SLC38A6: variants seen among roughly 807,000 people sequenced by gnomAD.
The protein encoded by SLC38A6 is N system amino acid transporter NAT-1.
In SLC38A6, 73 loss-of-function variants were observed where a neutral mutation model predicts 65.0. That is an observed-to-expected ratio of 1.12 (90% CI 0.93 to 1.37). The LOEUF (loss-of-function observed/expected upper bound fraction) is 1.37. Among genes scored for constraint, SLC38A6 ranks in the 40% most tolerant of loss-of-function variants. The pLI is 0.00. For missense variants in SLC38A6, 561 were observed against 531.1 expected (o/e 1.06, Z -0.55); for synonymous variants, 183 against 178.8 (o/e 1.02, Z -0.19).
intron 5 of SLC38A6, among the ~76,000 whole-genome samples, chr14:61,022,329 G>C (rs1198396693): frequency 6.6e-6 from 1 of 151,928 alleles, no homozygotes; most frequent in Non-Finnish European, 1.5e-5. Flanking sequence ...TTAGGTTAAA[G>C]TCTAGGAACC....
chr14:61,015,871 T>G (rs1458608338), intron 3 of SLC38A6, 33 bp from the exon 4 acceptor site: 5 of 1,570,114 alleles, frequency 3.2e-6, no homozygotes, highest in Admixed American at 3.7e-5. Flanking sequence ...AATAGTTTTG[T>G]GTAAAAGTGA....
At chr14:60,993,166 T>C (rs543674252) in intron 3 of SLC38A6, among the ~76,000 whole-genome samples, 2 of 152,296 alleles carry the variant, frequency 1.3e-5, no homozygotes, top group South Asian at 4.1e-4. Context: ...TTTTTTAGCA[T>C]ACTGTCTTCA....
At chr14:61,082,276 C>T (rs1312142517) in intron 16 of SLC38A6, among the ~76,000 whole-genome samples, 1 of 152,218 alleles carries the variant, frequency 6.6e-6, no homozygotes, top group Non-Finnish European at 1.5e-5. Flanking sequence ...CTGCCTGTCA[C>T]AGCTCCAGTG....
intron 15 of SLC38A6, among the ~76,000 whole-genome samples, chr14:61,073,040 C>T (rs528271855): frequency 2.7e-4 from 41 of 152,236 alleles, no homozygotes; most frequent in Admixed American, 1.2e-3. Context: ...ACATCCTCTC[C>T]GGCATTTATT....
chr14:61,062,588 A>T (rs779360915), intron 15 of SLC38A6, among the ~76,000 whole-genome samples: 27 of 151,786 alleles, frequency 1.8e-4, no homozygotes, highest in Non-Finnish European at 3.2e-4. Context: ...CAGCATACTG[A>T]GTAGCTGGGA....
chr14:61,050,952 T>G (rs1287905009), intron 13 of SLC38A6, among the ~76,000 whole-genome samples: 3 of 152,134 alleles, frequency 2.0e-5, no homozygotes, highest in African/African-American at 7.2e-5. Context: ...TATTCTGTTT[T>G]CAAAAAAATG....
At chr14:60,987,549 A>G (rs191373546) in intron 3 of SLC38A6, 31 of 152,330 alleles carry the variant, frequency 2.0e-4, no homozygotes, top group African/African-American at 7.5e-4. Context: ...TCCTTCTTGG[A>G]ATTGTTCTGA....
chr14:61,047,926 G>A (rs1457088541), intron 12 of SLC38A6, among the ~76,000 whole-genome samples: 5 of 152,036 alleles, frequency 3.3e-5, no homozygotes, highest in Non-Finnish European at 7.4e-5. Flanking sequence ...TGGGTAGGCA[G>A]ATAGATGGGT....
At chr14:60,995,025 A>T (rs2038185174) in intron 3 of SLC38A6, among the ~76,000 whole-genome samples, 1 of 144,492 alleles carries the variant, frequency 6.9e-6, no homozygotes. Context: ...AAAAAAAAAA[A>T]GAAGAAGAAA....
Position 61,061,112 on chromosome 14 carries a change from G to A in SLC38A6, c.1290+8977G>A, listed in dbSNP as rs564348754. ...TCGCTCACGCTGGGAGCTGTAGACC[G>A]GAGCTGTTCCTATTCGGCCATCTTG... On this transcript the variant is annotated intron_variant, in intron 15 of 16. Transcript: ENST00000354886. Among the ~76,000 whole-genome samples the A allele has an allele frequency of 7.5e-4, 114 of 152,186 alleles. 1 individual carries two copies. In the South Asian group the frequency reaches 0.011, roughly 15 times the overall value.
intron 4 of SLC38A6, among the ~76,000 whole-genome samples, chr14:61,018,528 A>G (rs1337139338): frequency 2.6e-5 from 4 of 152,200 alleles, no homozygotes; most frequent in African/African-American, 9.7e-5. Flanking sequence ...GGCATGAAAG[A>G]TTATCTGTTC....
At chr14:61,016,895 C>T (rs1422929874) in intron 4 of SLC38A6, among the ~76,000 whole-genome samples, 1 of 152,060 alleles carries the variant, frequency 6.6e-6, no homozygotes, top group African/African-American at 2.4e-5. Context: ...CACATACTTA[C>T]CATTTTTTGT....
chr14:60,999,011 A>T (rs1048455405), intron 3 of SLC38A6, among the ~76,000 whole-genome samples: 1 of 152,234 alleles, frequency 6.6e-6, no homozygotes, highest in Non-Finnish European at 1.5e-5. Flanking sequence ...ATGTGCAAGG[A>T]TACAAAGCCA....
chr14:61,051,333 A>G lies in SLC38A6; in HGVS notation c.1051-454A>G, dbSNP rs188630950. On this transcript the variant is annotated intron_variant, in intron 13 of 15. Coordinates refer to ENST00000267488, the MANE Select transcript of SLC38A6 (RefSeq NM_153811.3). Reference sequence around the variant, plus strand: ...GTGACCGCCTGCTGTGCTCTTAGCAATGGGAAGTGTAGTGAACTATTTTTT... The same window carrying G: ...GTGACCGCCTGCTGTGCTCTTAGCAGTGGGAAGTGTAGTGAACTATTTTTT... 3.9e-5 allele frequency among the ~76,000 whole-genome samples: 6 copies of G among 152,314 alleles called. No homozygotes were observed. The South Asian group carries it at 6.2e-4, about 16-fold the overall frequency.
intron 8 of SLC38A6, among the ~76,000 whole-genome samples, chr14:61,041,330 G>T (rs1162396002): frequency 1.3e-5 from 2 of 152,080 alleles, no homozygotes; most frequent in African/African-American, 2.4e-5. Flanking sequence ...TTGGAGTTGG[G>T]ATGGATCTTT....
intron 2 of SLC38A6, among the ~76,000 whole-genome samples, chr14:60,984,353 T>A (rs2037295279): frequency 6.6e-6 from 1 of 152,076 alleles, no homozygotes; most frequent in African/African-American, 2.4e-5. Context: ...ACAATGAGAT[T>A]GCATAAGTAA....
intron 3 of SLC38A6, among the ~76,000 whole-genome samples, chr14:61,009,367 C>T (rs2039380653): frequency 6.6e-6 from 1 of 151,856 alleles, no homozygotes; most frequent in East Asian, 1.9e-4. Context: ...GAAACTTTTG[C>T]TTAGGAAAAA....
rs2040522161 is a variant in SLC38A6, at chr14:61,024,794, C to A, written c.403+5214C>A. Among the ~76,000 whole-genome samples the A allele has an allele frequency of 1.3e-5, 2 of 152,184 alleles. 1 individual carries two copies. Among genetic ancestry groups the A allele is most frequent in the South Asian group, 4.1e-4 (2 of 4,830 alleles). ...CCAGAAAAAGTCTTATTAACTCTTACAAGCACATGATAACAGTGAAGTCAA... is the reference window on the plus strand; with the variant it reads ...CCAGAAAAAGTCTTATTAACTCTTAAAAGCACATGATAACAGTGAAGTCAA... On this transcript the variant is annotated intron_variant, in intron 5 of 15. Coordinates refer to ENST00000267488, the MANE Select transcript of SLC38A6 (RefSeq NM_153811.3).
chr14:61,065,245 C>T lies in SLC38A6; in HGVS notation c.1290+13110C>T, dbSNP rs75451593. On this transcript the variant is annotated intron_variant, in intron 15 of 16. Transcript: ENST00000354886. ...CAGCAATTCCATATCTGGCATTTGACGGGTAGCACGTTACTGGATCAACCC... is the reference window on the plus strand; with the variant it reads ...CAGCAATTCCATATCTGGCATTTGATGGGTAGCACGTTACTGGATCAACCC... Among the ~76,000 whole-genome samples, 1,096 of 152,244 alleles carry T rather than the reference C, an allele frequency of 7.2e-3. 13 individuals carry two copies. The highest frequency in any genetic ancestry group is 0.025 in the African/African-American group (1,041 of 41,528).
Sources: allele counts gnomAD v4.1 joint callset (sites outside exome capture counted in the v4.1 genomes callset), GRCh38; gene constraint gnomAD v4.1.1; transcripts MANE v1.5; gene names NCBI Gene and HGNC (gene_info 2026-07-23, HGNC 2026-07-21).